Variants in SLC44A2 observed in about 807,000 individuals in gnomAD.
SLC44A2 encodes choline transporter-like protein 2.
SLC44A2 carries 57 observed loss-of-function variants against 90.8 expected under a neutral mutation model. That is an observed-to-expected ratio of 0.63 (90% confidence interval 0.51 to 0.78). The LOEUF is 0.78. Among genes scored for constraint, SLC44A2 ranks in the 30% least tolerant of loss-of-function variants. The probability of loss-of-function intolerance (pLI) is 0.00; values close to 1 mark genes in which losing one functional copy is unlikely to be tolerated. For missense variants in SLC44A2, 794 were observed against 919.7 expected (o/e 0.86, Z 1.77); for synonymous variants, 355 against 360.7 (o/e 0.98, Z 0.18).
intron 1 of SLC44A2, among the ~76,000 whole-genome samples, chr19:10,618,715 G>A (rs371451911): frequency 2.0e-5 from 3 of 151,732 alleles, no homozygotes; most frequent in African/African-American, 4.8e-5. Context: ...TCCTGACCTC[G>A]TGTTCCGGCC....
chr19:10,626,253 G>A lies in SLC44A2; in HGVS notation c.38G>A (p.Gly13Glu). The change falls in exon 2 of 22, where the codon GGA (glycine) becomes GAA (glutamate). Residue 13 changes from glycine (G) to glutamate (E), a missense_variant and splice_region_variant. Gly to Glu is a moderately conservative substitution (Grantham distance 98). Coordinates refer to ENST00000335757, the MANE Select transcript of SLC44A2 (RefSeq NM_020428.4). ...DERPHYYGKHGTPQKYDPTFK... is the reference protein window; with the variant it reads ...DERPHYYGKHETPQKYDPTFK... ...CCATCTTAATCTTCTTGACTTTCAG[G>A]AACGCCACAGAAGTATGATCCCACT... The A allele has an allele frequency of 6.2e-7, 1 of 1,613,012 alleles. No individual in the cohort carries two copies.
chr19:10,628,546 G>A (rs2066959378), intron 4 of SLC44A2, among the ~76,000 whole-genome samples: 1 of 152,040 alleles, frequency 6.6e-6, no homozygotes, highest in Non-Finnish European at 1.5e-5. Context: ...AGCGAGACCT[G>A]GTCTCAACAA....
At chr19:10,635,737 A>T in intron 14 of SLC44A2, 3 of 406,488 alleles carry the variant, frequency 7.4e-6, no homozygotes, top group Non-Finnish European at 1.3e-5. Context: ...CCAGGCCTTC[A>T]CCCTGGGTGC....
rs1918133131 is a variant in SLC44A2, at chr19:10,607,143, G to A, written c.31+4582G>A. On this transcript the variant is annotated intron_variant, in intron 1 of 21. Transcript: ENST00000407327. ...TTAGCCAGGATGGTCTCGATCTCCT[G>A]ACCTTGTGATCAGCCTGCCTTGGCC... Among the ~76,000 whole-genome samples, 3 of 152,136 alleles carry A rather than the reference G, an allele frequency of 2.0e-5. No individual in the cohort carries two copies. In the South Asian group the frequency reaches 6.2e-4, roughly 32 times the overall value.
rs1180436628 is a variant in SLC44A2 at position 10,631,468 on chromosome 19, T to C, written c.442-7T>C. The C allele has an allele frequency of 6.2e-7, 1 of 1,613,894 alleles. No individual in the cohort carries two copies. The highest frequency in any genetic ancestry group is 8.5e-7 in the Non-Finnish European group (1 of 1,179,968). ...GGGGACTCACCTCCCTCCATCTCTC[T>C]TGGCAGGGAGTGGCTGAGGTGCTTC... On this transcript the variant is annotated splice_polypyrimidine_tract_variant and splice_region_variant and intron_variant, in intron 6 of 21. Transcript: ENST00000335757.
intron 16 of SLC44A2, chr19:10,637,087 G>T: frequency 3.9e-6 from 1 of 257,474 alleles, no homozygotes; most frequent in Non-Finnish European, 7.5e-6. Context: ...CGGGCGCCGT[G>T]ACTCACGCCT....
chr19:10,603,757 G>T (rs12460655), intron 1 of SLC44A2, among the ~76,000 whole-genome samples: 4,834 of 152,330 alleles, frequency 0.032, 110 homozygotes, highest in South Asian at 0.061. Flanking sequence ...CCCAGTGGCT[G>T]TGGGTGCTGT....
chr19:10,637,494 C>T, intron 16 of SLC44A2, 150 bp from the exon 17 acceptor site: 1 of 677,650 alleles, frequency 1.5e-6, no homozygotes, highest in Non-Finnish European at 2.6e-6. Flanking sequence ...TCACTGCAGC[C>T]TCAAACTCCT....
intron 2 of SLC44A2, 32 bp downstream of exon 2, chr19:10,626,333 C>T (rs373553500): frequency 3.4e-5 from 51 of 1,505,710 alleles, no homozygotes; most frequent in Non-Finnish European, 4.4e-5. Flanking sequence ...GGGTTCTCCC[C>T]GCTAATACTA....
At chr19:10,612,821 A>G (rs980040193) in intron 1 of SLC44A2, among the ~76,000 whole-genome samples, 10 of 152,228 alleles carry the variant, frequency 6.6e-5, no homozygotes, top group African/African-American at 2.4e-4. Flanking sequence ...GCCTTGTCCA[A>G]CAGCTCAATT....
intron 4 of SLC44A2, among the ~76,000 whole-genome samples, chr19:10,629,002 G>C (rs1235442992): frequency 6.6e-6 from 1 of 151,980 alleles, no homozygotes; most frequent in African/African-American, 2.4e-5. Context: ...GGAGGATCAA[G>C]ACCAGCCTAG....
intron 1 of SLC44A2, chr19:10,602,644 A>G (rs1331502112): frequency 8.4e-7 from 1 of 1,189,658 alleles, no homozygotes; most frequent in Non-Finnish European, 1.1e-6. Flanking sequence ...CTGAGACCCT[A>G]GGCACCGGCG....
chr19:10,616,960 C>T (rs1434943736), intron 1 of SLC44A2, among the ~76,000 whole-genome samples: 24 of 151,844 alleles, frequency 1.6e-4, no homozygotes, highest in Non-Finnish European at 1.5e-5. Context: ...CTTGCTCTGT[C>T]GCCCAGGCTG....
At chr19:10,625,468 A>G, upstream of SLC44A2, 2 of 1,214,338 alleles carry the variant, frequency 1.6e-6, no homozygotes, top group Non-Finnish European at 2.0e-6. Context: ...TAGTCTGGGC[A>G]GCTGCCCAGC....
intron 1 of SLC44A2, among the ~76,000 whole-genome samples, chr19:10,609,615 A>G (rs893390282): frequency 4.6e-5 from 7 of 151,922 alleles, no homozygotes; most frequent in Admixed American, 1.3e-4. Context: ...TAATTTACAT[A>G]CTAAAAAAAC....
chr19:10,639,423 G>A (rs1319603739), intron 20 of SLC44A2, among the ~76,000 whole-genome samples: 1 of 104,990 alleles, frequency 9.5e-6, no homozygotes, highest in Non-Finnish European at 1.9e-5. Flanking sequence ...AAACTGTGGT[G>A]GGGGCTGGGC....
chr19:10,605,614 G>T (rs1450392261), intron 1 of SLC44A2, among the ~76,000 whole-genome samples: 2 of 152,142 alleles, frequency 1.3e-5, no homozygotes, highest in African/African-American at 4.8e-5. Context: ...TTCAACCTGG[G>T]AGGCAGAGGT....
rs764857684 is a variant in SLC44A2 at position 10,626,290 on chromosome 19, C to T, written c.75C>T (p.Pro25=). 6.2e-6 allele frequency: 10 copies of T among 1,612,350 alleles called. No homozygotes were observed. The highest frequency in any genetic ancestry group is 8.5e-6 in the Non-Finnish European group (10 of 1,178,462). The change falls in exon 2 of 22, where the codon CCC becomes CCT. Residue 25 remains proline, a synonymous_variant. Transcript: ENST00000335757. ...PQKYDPTFKG[P]IYNRGCTDII... The stretch of plus-strand genomic sequence containing the variant: ...AGTATGATCCCACTTTCAAAGGACC[C>T]ATTTACAATAGGTAAGAGCTCTGGG...
chr19:10,630,281 T>C (rs1040655304), intron 4 of SLC44A2, among the ~76,000 whole-genome samples: 2 of 151,608 alleles, frequency 1.3e-5, no homozygotes, highest in Admixed American at 6.6e-5. Context: ...TCCTAGGAGG[T>C]AGAGGCTGCA....
Sources: gnomAD v4.1 joint callset for allele counts (sites outside exome capture counted in the v4.1 genomes callset) on GRCh38, gnomAD v4.1.1 for gene constraint, MANE v1.5 for transcripts, NCBI Gene and HGNC (gene_info 2026-07-23, HGNC 2026-07-21) for gene names.